TOX: variants seen among roughly 807,000 people sequenced by gnomAD.
TOX encodes the protein thymocyte selection-associated high mobility group box protein TOX.
TOX carries 11 observed loss-of-function variants against 53.7 expected under a neutral mutation model. That is an observed-to-expected ratio of 0.20 (90% confidence interval 0.13 to 0.34). The LOEUF (loss-of-function observed/expected upper bound fraction) is 0.34, where lower values mean the gene tolerates loss of function less well. TOX is among the 10% of genes least tolerant of loss of function. The pLI is 1.00. For synonymous variants in TOX, 225 were observed against 245.3 expected, an observed-to-expected ratio of 0.92 and a Z score of 0.77; for missense variants, 570 against 664.6, an observed-to-expected ratio of 0.86 and a Z score of 1.56.
intron 3 of TOX, among the ~76,000 whole-genome samples, chr8:58,878,513 C>T (rs1430489689): frequency 5.9e-5 from 9 of 152,126 alleles, no homozygotes; most frequent in Admixed American, 5.2e-4. Flanking sequence ...ATAAACAATG[C>T]CATTTGAAAA....
At chr8:58,971,573 C>T (rs1431496843) in intron 1 of TOX, among the ~76,000 whole-genome samples, 1 of 152,164 alleles carries the variant, frequency 6.6e-6, no homozygotes, top group East Asian at 1.9e-4. Context: ...TTGACTGTTT[C>T]CATCATTAAT....
intron 3 of TOX, among the ~76,000 whole-genome samples, chr8:58,884,887 C>T (rs1278817158): frequency 6.6e-6 from 1 of 152,080 alleles, no homozygotes; most frequent in Non-Finnish European, 1.5e-5. Context: ...AAATACATTT[C>T]CAAGCATTTA....
intron 1 of TOX, among the ~76,000 whole-genome samples, chr8:59,063,585 G>T (rs1804031620): frequency 6.6e-6 from 1 of 151,612 alleles, no homozygotes; most frequent in Admixed American, 6.6e-5. Flanking sequence ...CACCACGCCG[G>T]GCTAATTTTT....
chr8:59,114,335 A>G (rs1159051475), intron 1 of TOX, among the ~76,000 whole-genome samples: 9 of 152,208 alleles, frequency 5.9e-5, no homozygotes. Context: ...GCTCATACTT[A>G]TAACTTTGTT....
At chr8:59,043,514 A>G (rs1803631520) in intron 1 of TOX, among the ~76,000 whole-genome samples, 2 of 152,186 alleles carry the variant, frequency 1.3e-5, no homozygotes, top group Admixed American at 6.5e-5. Context: ...TAAACTATAT[A>G]GCTAAACTAA....
At chr8:59,093,546 T>C (rs969268774) in intron 1 of TOX, among the ~76,000 whole-genome samples, 4 of 152,226 alleles carry the variant, frequency 2.6e-5, no homozygotes, top group African/African-American at 9.6e-5. Flanking sequence ...TTAAGCCTGG[T>C]AAAATAATTA....
At chr8:59,103,974 A>G (rs1804851862) in intron 1 of TOX, among the ~76,000 whole-genome samples, 1 of 152,226 alleles carries the variant, frequency 6.6e-6, no homozygotes, top group Admixed American at 6.5e-5. Context: ...CTACAACTTC[A>G]TATGTGCTTT....
Position 59,117,059 on chromosome 8 carries a change from CT to C in TOX, c.102+1826del, listed in dbSNP as rs1230648826. ...GTGAAATGTGTATCCAAGTCATTAA[CT>C]TCTTTTTGGGGCCTAAAATCACTGA... On this transcript the variant is annotated intron_variant, in intron 1 of 8. Transcript: ENST00000361421. The surrounding 1 kb of genome is among the most constrained non-coding windows in gnomAD (Gnocchi z 4.6). 6.6e-6 allele frequency among the ~76,000 whole-genome samples: 1 copy of C among 152,186 alleles called. No homozygotes were observed. The highest frequency in any genetic ancestry group is 1.5e-5 in the Non-Finnish European group (1 of 68,020).
intron 3 of TOX, among the ~76,000 whole-genome samples, chr8:58,886,531 G>T (rs1198510732): frequency 2.6e-5 from 4 of 152,024 alleles, no homozygotes; most frequent in Non-Finnish European, 5.9e-5. Flanking sequence ...AGAGATTACA[G>T]ATTCTACCTG....
At chr8:59,094,766 G>A (rs1270551499) in intron 1 of TOX, among the ~76,000 whole-genome samples, 1 of 152,150 alleles carries the variant, frequency 6.6e-6, no homozygotes, top group East Asian at 1.9e-4. Flanking sequence ...CATTTCTGAA[G>A]AATGAGTAGT....
chr8:59,058,007 G>A (rs1337421638), intron 1 of TOX, among the ~76,000 whole-genome samples: 1 of 151,910 alleles, frequency 6.6e-6, no homozygotes, highest in African/African-American at 2.4e-5. Flanking sequence ...GGCTCTAGAC[G>A]GAAAAAATAA....
chr8:59,056,124 G>T (rs997492953), intron 1 of TOX, among the ~76,000 whole-genome samples: 2 of 151,856 alleles, frequency 1.3e-5, no homozygotes, highest in Admixed American at 6.6e-5. Context: ...CTAAACCAAG[G>T]ACCCCAAGAA....
At chr8:58,887,627 C>T (rs16924195) in intron 3 of TOX, among the ~76,000 whole-genome samples, 11,145 of 152,010 alleles carry the variant, frequency 0.073, 659 homozygotes, top group East Asian at 0.2. Context: ...TGCTCTTCTT[C>T]AACCAACCTA....
At chr8:58,970,935 A>G (rs1177193595) in intron 1 of TOX, among the ~76,000 whole-genome samples, 1 of 152,184 alleles carries the variant, frequency 6.6e-6, no homozygotes, top group Non-Finnish European at 1.5e-5. Flanking sequence ...TACTGGAAAA[A>G]AGTTTCTGTA....
At chr8:58,817,749 A>C (rs1810205339) in intron 6 of TOX, among the ~76,000 whole-genome samples, 1 of 152,206 alleles carries the variant, frequency 6.6e-6, no homozygotes, top group South Asian at 2.1e-4. Flanking sequence ...AAATGGATAC[A>C]TATTGGTGCA....
At chr8:58,856,816 T>C (rs1016421774) in intron 3 of TOX, among the ~76,000 whole-genome samples, 1 of 151,830 alleles carries the variant, frequency 6.6e-6, no homozygotes, top group African/African-American at 2.4e-5. Flanking sequence ...GGAAAATATC[T>C]TGGACCAAGA....
intron 1 of TOX, among the ~76,000 whole-genome samples, chr8:59,103,025 C>T (rs890187621): frequency 6.6e-6 from 1 of 152,194 alleles, no homozygotes; most frequent in Non-Finnish European, 1.5e-5. Context: ...CCTGCCATCA[C>T]TAAACATCAT....
rs116494056 is a variant in TOX, at chr8:58,861,233, C to T, written c.412-9428G>A. On this transcript the variant is annotated intron_variant, in intron 3 of 8. Coordinates refer to ENST00000361421, the MANE Select transcript of TOX (RefSeq NM_014729.3). ...GCAGATAATGGCAGGACATGAGAGG[C>T]TCACGGACTAAAGGGTCTGTCCTGT... Among the ~76,000 whole-genome samples, 1,122 of 152,340 alleles carry T rather than the reference C, an allele frequency of 7.4e-3. 15 individuals carry two copies. Among genetic ancestry groups the T allele is most frequent in the African/African-American group, 0.025 (1,025 of 41,582 alleles).
intron 3 of TOX, among the ~76,000 whole-genome samples, chr8:58,867,912 A>G (rs1167827941): frequency 6.6e-6 from 1 of 152,210 alleles, no homozygotes; most frequent in African/African-American, 2.4e-5. Context: ...TTGCAGAACC[A>G]TCAGTTAAAG....
Sources: allele counts gnomAD v4.1 joint callset (sites outside exome capture counted in the v4.1 genomes callset), GRCh38; gene constraint gnomAD v4.1.1; non-coding constraint Gnocchi (gnomAD v3.1); transcripts MANE v1.5; gene names NCBI Gene and HGNC (gene_info 2026-07-23, HGNC 2026-07-21).